The following KCND2 variants were observed in gnomAD, a reference collection of about 807,000 sequenced individuals.
KCND2 encodes the protein A-type voltage-gated potassium channel KCND2.
In KCND2, 16 loss-of-function variants were observed where a neutral mutation model predicts 54.4. That is an observed-to-expected ratio of 0.29 (90% CI 0.20 to 0.45). KCND2 has a LOEUF of 0.45. Among genes scored for constraint, KCND2 ranks in the 20% least tolerant of loss-of-function variants. KCND2 has a pLI of 1.00. For synonymous variants in KCND2, 317 were observed against 310.7 expected, an observed-to-expected ratio of 1.02 and a Z score of -0.21; for missense variants, 486 against 824.2, an observed-to-expected ratio of 0.59 and a Z score of 5.02.
chr7:120,710,906 A>G (rs1414654631), intron 1 of KCND2, among the ~76,000 whole-genome samples: 1 of 152,074 alleles, frequency 6.6e-6, no homozygotes, highest in Non-Finnish European at 1.5e-5. Flanking sequence ...TAGAACTATT[A>G]TATCTTTTTT....
intron 1 of KCND2, among the ~76,000 whole-genome samples, chr7:120,534,194 G>A (rs935166012): frequency 6.6e-6 from 1 of 152,120 alleles, no homozygotes; most frequent in African/African-American, 2.4e-5. Context: ...AGGGGCAGGG[G>A]CTGATTTTAC....
At chr7:120,342,719 G>T (rs963596724) in intron 1 of KCND2, among the ~76,000 whole-genome samples, 1 of 151,996 alleles carries the variant, frequency 6.6e-6, no homozygotes, top group South Asian at 2.1e-4. Flanking sequence ...TGCATAAAAT[G>T]ATTATTTAGA....
intron 1 of KCND2, among the ~76,000 whole-genome samples, chr7:120,688,455 A>T (rs1435824472): frequency 6.6e-6 from 1 of 152,172 alleles, no homozygotes; most frequent in East Asian, 1.9e-4. Context: ...TTTTCAAGTG[A>T]TACAGAAACA....
intron 1 of KCND2, among the ~76,000 whole-genome samples, chr7:120,340,216 G>GT (rs1800221546): frequency 6.6e-6 from 1 of 152,212 alleles, no homozygotes; most frequent in Admixed American, 6.5e-5. Flanking sequence ...AGTAATCCAC[G>GT]TAAGTGATAA....
intron 1 of KCND2, among the ~76,000 whole-genome samples, chr7:120,376,557 G>A (rs950287920): frequency 6.6e-6 from 1 of 150,466 alleles, no homozygotes; most frequent in Non-Finnish European, 1.5e-5. Flanking sequence ...TATATGATAT[G>A]TATTTATATA....
chr7:120,333,011 G>C (rs1183078274), intron 1 of KCND2, among the ~76,000 whole-genome samples: 1 of 152,084 alleles, frequency 6.6e-6, no homozygotes, highest in Admixed American at 6.5e-5. Context: ...CAGAGCTGTT[G>C]TGAGTAGTCT....
intron 1 of KCND2, among the ~76,000 whole-genome samples, chr7:120,360,688 C>T (rs1222326550): frequency 6.6e-6 from 1 of 151,986 alleles, no homozygotes; most frequent in East Asian, 1.9e-4. Context: ...CTGTCATTGA[C>T]ACTTTTAAAC....
intron 1 of KCND2, among the ~76,000 whole-genome samples, chr7:120,296,219 G>A (rs1249180694): frequency 6.6e-6 from 1 of 151,958 alleles, no homozygotes; most frequent in Admixed American, 6.6e-5. Context: ...TTTAAGTGTT[G>A]TATTTCGGGT....
At chr7:120,368,554 A>G (rs536812480) in intron 1 of KCND2, among the ~76,000 whole-genome samples, 1 of 152,216 alleles carries the variant, frequency 6.6e-6, no homozygotes, top group African/African-American at 2.4e-5. Flanking sequence ...GTAAGTTAAA[A>G]AATATTTGAG....
intron 1 of KCND2, among the ~76,000 whole-genome samples, chr7:120,697,935 T>A (rs1015182564): frequency 5.3e-5 from 8 of 152,114 alleles, no homozygotes; most frequent in African/African-American, 1.9e-4. Flanking sequence ...CTATATGTAT[T>A]TCTTTTAAAA....
intron 1 of KCND2, among the ~76,000 whole-genome samples, chr7:120,308,765 A>G (rs868567146): frequency 5.3e-5 from 8 of 152,188 alleles, no homozygotes; most frequent in Non-Finnish European, 8.8e-5. Flanking sequence ...TCCATGGCCA[A>G]TTATCAGCTG....
intron 1 of KCND2, among the ~76,000 whole-genome samples, chr7:120,730,223 G>A (rs1195286368): frequency 1.3e-5 from 2 of 151,918 alleles, no homozygotes. Context: ...TAAAAGCCGT[G>A]TGTGTGTGTG....
At chr7:120,474,971 C>T (rs865837633) in intron 1 of KCND2, among the ~76,000 whole-genome samples, 2 of 152,156 alleles carry the variant, frequency 1.3e-5, no homozygotes, top group Admixed American at 6.5e-5. Flanking sequence ...CTCCCAAGTA[C>T]GTAGAACTAT....
At chr7:120,352,764 T>C (rs977318981) in intron 1 of KCND2, among the ~76,000 whole-genome samples, 1 of 152,108 alleles carries the variant, frequency 6.6e-6, no homozygotes, top group African/African-American at 2.4e-5. Context: ...AATTGAGAAA[T>C]ATGACTGAAA....
intron 1 of KCND2, among the ~76,000 whole-genome samples, chr7:120,641,754 CTTTTT>C (rs5886998): frequency 1.5e-5 from 2 of 129,896 alleles, no homozygotes; most frequent in South Asian, 2.5e-4. Context: ...CAAGCATATT[CTTTTT>C]TTTTTTTTTT....
chr7:120,684,343 A>G (rs1792175459), intron 1 of KCND2, among the ~76,000 whole-genome samples: 1 of 152,198 alleles, frequency 6.6e-6, no homozygotes, highest in Admixed American at 6.5e-5. Context: ...TTCAATGAAG[A>G]CAAGATTAAT....
intron 1 of KCND2, among the ~76,000 whole-genome samples, chr7:120,472,100 G>A (rs936943820): frequency 2.6e-5 from 4 of 151,462 alleles, no homozygotes; most frequent in Non-Finnish European, 5.9e-5. Context: ...ATAGTTTGGG[G>A]TTACCTAAGG....
At chr7:120,683,809 A>AT (rs200883767) in intron 1 of KCND2, among the ~76,000 whole-genome samples, 1,912 of 150,026 alleles carry the variant, frequency 0.013, 13 homozygotes, top group Non-Finnish European at 0.018. Flanking sequence ...AAACTCTTTC[A>AT]TTTTTTTTTT....
In KCND2 at chr7:120,374,946, G is replaced by A. The variant is rs985608429; in HGVS notation, c.1115+99199G>A. Among the ~76,000 whole-genome samples, 5 of 151,806 alleles carry A rather than the reference G, an allele frequency of 3.3e-5. 1 individual carries two copies. The South Asian group carries it at 1.0e-3, about 31-fold the overall frequency. Reference sequence around the variant, plus strand: ...GGCTCTTTTCAGTGTTTACACTGTCGCTGGCCCTTCCTGGAAAAGGAGCTA... The same window carrying A: ...GGCTCTTTTCAGTGTTTACACTGTCACTGGCCCTTCCTGGAAAAGGAGCTA... On this transcript the variant is annotated intron_variant, in intron 1 of 5. Coordinates refer to ENST00000331113, the MANE Select transcript of KCND2 (RefSeq NM_012281.3).
Sources: gnomAD v4.1 joint callset for allele counts (sites outside exome capture counted in the v4.1 genomes callset) on GRCh38, gnomAD v4.1.1 for gene constraint, MANE v1.5 for transcripts, NCBI Gene and HGNC (gene_info 2026-07-23, HGNC 2026-07-21) for gene names.